Variants in CDKL3 observed in about 807,000 individuals in gnomAD.
The protein encoded by CDKL3 is cyclin-dependent kinase-like 3.
CDKL3 carries 65 observed loss-of-function variants against 69.3 expected under a neutral mutation model. That is an observed-to-expected ratio of 0.94 (90% CI 0.77 to 1.15). The LOEUF (loss-of-function observed/expected upper bound fraction) is 1.15, where lower values mean the gene tolerates loss of function less well. Ranked by LOEUF, CDKL3 falls within the 50% of genes most tolerant of loss-of-function variation. CDKL3 has a pLI of 0.00. For synonymous variants in CDKL3, 202 were observed against 221.6 expected, an observed-to-expected ratio of 0.91 and a Z score of 0.79; for missense variants, 652 against 689.2, an observed-to-expected ratio of 0.95 and a Z score of 0.61.
intron 4 of CDKL3, among the ~76,000 whole-genome samples, chr5:134,343,221 AG>A (rs1750970397): frequency 6.6e-6 from 1 of 152,150 alleles, no homozygotes; most frequent in South Asian, 2.1e-4. Flanking sequence ...AAAAAAGGAA[AG>A]AAAGTGCGTT....
At chr5:134,359,760 C>T in intron 3 of CDKL3, 137 bp downstream of exon 3, 1 of 666,530 alleles carries the variant, frequency 1.5e-6, no homozygotes, top group South Asian at 2.1e-5. Flanking sequence ...CCCCTATTCC[C>T]TATCCCCATT....
upstream of CDKL3, chr5:134,367,366 ATCTT>A (rs1757709320): frequency 1.4e-6 from 1 of 736,100 alleles, no homozygotes; most frequent in Non-Finnish European, 1.6e-6. Flanking sequence ...AAGGATCTGC[ATCTT>A]TTTTTTTTTT....
At chr5:134,302,280 A>G (rs1766543286) in intron 12 of CDKL3, 2 of 463,584 alleles carry the variant, frequency 4.3e-6, no homozygotes, top group African/African-American at 2.0e-5. Flanking sequence ...ATATAACCAT[A>G]TATTTATACC....
At chr5:134,325,927 CTTTTT>C (rs10706943) in intron 4 of CDKL3, among the ~76,000 whole-genome samples, 1 of 82,868 alleles carries the variant, frequency 1.2e-5, no homozygotes, top group South Asian at 4.6e-4. Flanking sequence ...CCACGCCTGG[CTTTTT>C]TTTTTTTTTT....
intron 4 of CDKL3, among the ~76,000 whole-genome samples, chr5:134,330,827 C>T (rs1290284844): frequency 6.6e-6 from 1 of 152,296 alleles, no homozygotes; most frequent in East Asian, 1.9e-4. Context: ...ATGCCTTGAG[C>T]ATCCCAAAAA....
At chr5:134,329,859 C>T (rs979269519) in intron 4 of CDKL3, among the ~76,000 whole-genome samples, 20 of 151,658 alleles carry the variant, frequency 1.3e-4, no homozygotes, top group African/African-American at 4.4e-4. Flanking sequence ...GCTTTATTCT[C>T]ATTAGCCGGG....
upstream of CDKL3, chr5:134,371,084 C>T: frequency 4.6e-6 from 1 of 217,736 alleles, no homozygotes; most frequent in South Asian, 5.9e-5. Context: ...TACTTCTCCC[C>T]CTCCCACTCA....
intron 1 of CDKL3, 77 bp from the exon 2 acceptor site, chr5:134,366,621 T>A: frequency 1.1e-6 from 1 of 872,004 alleles, no homozygotes; most frequent in Non-Finnish European, 1.7e-6. Flanking sequence ...ATAATGCATA[T>A]CCACAATAAA....
chr5:134,326,486 C>T (rs535840953), intron 4 of CDKL3, among the ~76,000 whole-genome samples: 2 of 151,778 alleles, frequency 1.3e-5, no homozygotes, highest in Non-Finnish European at 2.9e-5. Context: ...GTATTAGACT[C>T]GAGCCTTGAT....
intron 4 of CDKL3, among the ~76,000 whole-genome samples, chr5:134,329,225 C>A (rs1775137437): frequency 6.6e-6 from 1 of 152,050 alleles, no homozygotes; most frequent in Admixed American, 6.6e-5. Context: ...GTAGTCCCAA[C>A]TATTTGGGAG....
chr5:134,352,932 T>A (rs1238820304), intron 3 of CDKL3, among the ~76,000 whole-genome samples: 1 of 152,162 alleles, frequency 6.6e-6, no homozygotes, highest in Non-Finnish European at 1.5e-5. Context: ...TTTAATGTAA[T>A]CCCATTTATC....
At chr5:134,290,353 CAAA>C (rs1212709645) in intron 8 of CDKL3, among the ~76,000 whole-genome samples, 351 of 24,640 alleles carry the variant, frequency 0.014, no homozygotes, top group African/African-American at 0.05. Context: ...GACTCTGTCT[CAAA>C]AAAAAAAAAA....
intron 4 of CDKL3, among the ~76,000 whole-genome samples, chr5:134,344,448 A>G (rs1290770787): frequency 6.6e-6 from 1 of 152,176 alleles, no homozygotes; most frequent in Non-Finnish European, 1.5e-5. Context: ...ACTCAATAAT[A>G]AAAAGACAAC....
At position 134,308,478 on chromosome 5, in the gene CDKL3, A is replaced by G; in HGVS notation, c.1036-12T>C. The G allele has an allele frequency of 6.3e-7, 1 of 1,583,718 alleles. No individual in the cohort carries two copies. On this transcript the variant is annotated splice_polypyrimidine_tract_variant and intron_variant, in intron 8 of 12. Transcript: ENST00000265334. ...TCTTTTTCTATTTCCTGGAATAGAT[A>G]CATCCAAAATCTGAGTCATCATAAC...
At chr5:134,304,021 C>T (rs964273159) in intron 11 of CDKL3, among the ~76,000 whole-genome samples, 1 of 151,466 alleles carries the variant, frequency 6.6e-6, no homozygotes, top group Non-Finnish European at 1.5e-5. Flanking sequence ...GCAGTCTCAA[C>T]TTCCTGGGTC....
At chr5:134,312,470 T>A in intron 6 of CDKL3, 90 bp from the exon 7 acceptor site, 1 of 692,118 alleles carries the variant, frequency 1.4e-6, no homozygotes, top group Non-Finnish European at 2.4e-6. Context: ...AAGAAGTAAG[T>A]AATTATCCAG....
intron 4 of CDKL3, among the ~76,000 whole-genome samples, chr5:134,328,319 A>C (rs1774907705): frequency 6.6e-6 from 1 of 152,254 alleles, no homozygotes. Context: ...ATCAATCAAG[A>C]GATATAAATT....
chr5:134,306,581 T>C lies in CDKL3; in HGVS notation c.1458+28A>G, dbSNP rs751779184. The C allele has an allele frequency of 7.1e-6, 9 of 1,264,608 alleles. No individual in the cohort carries two copies. The Admixed American group carries it at 1.3e-4, about 18-fold the overall frequency. 78.3% of individuals were successfully genotyped at this position (1,264,608 alleles called of 1,614,324 possible). ...AAAGAAGTAATGTTAAAAGAGGCCA[T>C]ATTTTAATGTGTAGCTTCTTGCCTT... On this transcript the variant is annotated intron_variant, in intron 10 of 12. Coordinates refer to ENST00000265334, the MANE Select transcript of CDKL3 (RefSeq NM_001113575.2).
upstream of CDKL3, chr5:134,367,274 T>C (rs1757678665): frequency 4.1e-6 from 4 of 984,760 alleles, no homozygotes; most frequent in African/African-American, 1.8e-5. Flanking sequence ...GGAAGAGTGC[T>C]GTGCTTGGGA....
Sources: gnomAD v4.1 joint callset for allele counts (sites outside exome capture counted in the v4.1 genomes callset) on GRCh38, gnomAD v4.1.1 for gene constraint, MANE v1.5 for transcripts, NCBI Gene and HGNC (gene_info 2026-07-23, HGNC 2026-07-21) for gene names.